The following TRPM3 variants were observed in gnomAD, a reference collection of about 807,000 sequenced individuals.
TRPM3 encodes long transient receptor potential channel 3.
Under a neutral mutation model 181.2 loss-of-function variants are expected in TRPM3, and 77 were observed. The ratio of observed to expected loss-of-function variants is 0.42; its 90% confidence interval spans 0.35 to 0.51. The LOEUF (loss-of-function observed/expected upper bound fraction) is 0.51, where lower values mean the gene tolerates loss of function less well. TRPM3 is among the 20% of genes least tolerant of loss of function. The probability of loss-of-function intolerance (pLI) is 0.01; values close to 1 mark genes in which losing one functional copy is unlikely to be tolerated. For synonymous variants in TRPM3, 745 were observed against 796.4 expected, an observed-to-expected ratio of 0.94 and a Z score of 1.09; for missense variants, 1,759 against 2,196.7, an observed-to-expected ratio of 0.80 and a Z score of 3.98.
intron 9 of TRPM3, among the ~76,000 whole-genome samples, chr9:70,654,145 C>T (rs1015421272): frequency 1.3e-5 from 2 of 151,798 alleles, no homozygotes; most frequent in Non-Finnish European, 2.9e-5. Flanking sequence ...TCTAAAGCAT[C>T]TTCTCTATTG....
intron 1 of TRPM3, among the ~76,000 whole-genome samples, chr9:71,199,493 C>T (rs2078631866): frequency 6.6e-6 from 1 of 151,938 alleles, no homozygotes; most frequent in Admixed American, 6.6e-5. Flanking sequence ...GCTGTGAATC[C>T]ATCTGGTCCT....
chr9:70,910,444 T>C (rs958076576), intron 1 of TRPM3, among the ~76,000 whole-genome samples: 3 of 152,186 alleles, frequency 2.0e-5, no homozygotes, highest in Non-Finnish European at 4.4e-5. Flanking sequence ...GCTGTCTGAA[T>C]GGACCTGACT....
At chr9:71,008,009 T>C (rs2097698197) in intron 1 of TRPM3, among the ~76,000 whole-genome samples, 1 of 151,626 alleles carries the variant, frequency 6.6e-6, no homozygotes, top group South Asian at 2.1e-4. Flanking sequence ...AAAAGATAAA[T>C]AATATGGACA....
At chr9:71,302,668 TG>T (rs1237937667) in intron 1 of TRPM3, among the ~76,000 whole-genome samples, 1 of 152,158 alleles carries the variant, frequency 6.6e-6, no homozygotes, top group Non-Finnish European at 1.5e-5. Context: ...AGCTTTTATT[TG>T]TAAGAGCTAG....
chr9:70,965,961 A>G (rs2097180700), intron 1 of TRPM3, among the ~76,000 whole-genome samples: 1 of 152,016 alleles, frequency 6.6e-6, no homozygotes, highest in African/African-American at 2.4e-5. Flanking sequence ...GACGCTACAG[A>G]ATGGGAGAAA....
intron 2 of TRPM3, 76 bp downstream of exon 2, chr9:70,864,356 C>T: frequency 6.1e-6 from 6 of 990,942 alleles, no homozygotes; most frequent in Non-Finnish European, 8.6e-6. Context: ...TCCCTTGTAA[C>T]AGGTCATGAT....
At chr9:70,784,367 A>T in intron 6 of TRPM3, 88 bp from the exon 7 acceptor site, 1 of 1,390,044 alleles carries the variant, frequency 7.2e-7, no homozygotes, top group Non-Finnish European at 9.6e-7. Flanking sequence ...AACAAAAAGC[A>T]CAAACTAAAA....
At chr9:71,295,949 G>T (rs2086226146) in intron 1 of TRPM3, among the ~76,000 whole-genome samples, 1 of 152,100 alleles carries the variant, frequency 6.6e-6, no homozygotes. Flanking sequence ...TGAGATCCAG[G>T]CTCCAGCCCT....
chr9:71,081,910 A>G (rs957903146), intron 1 of TRPM3, among the ~76,000 whole-genome samples: 3 of 152,160 alleles, frequency 2.0e-5, no homozygotes, highest in Non-Finnish European at 4.4e-5. Flanking sequence ...ACAATTTATG[A>G]TAATTATAAG....
chr9:71,111,434 A>G (rs891943983), intron 1 of TRPM3, among the ~76,000 whole-genome samples: 2 of 152,144 alleles, frequency 1.3e-5, no homozygotes, highest in African/African-American at 4.8e-5. Flanking sequence ...ATATTTGGCA[A>G]TATCTGGAGA....
chr9:70,661,682 C>T (rs2061158804), intron 9 of TRPM3, among the ~76,000 whole-genome samples: 1 of 151,322 alleles, frequency 6.6e-6, no homozygotes, highest in African/African-American at 2.4e-5. Context: ...ACAACAGCTG[C>T]AATAAAAAGA....
intron 1 of TRPM3, among the ~76,000 whole-genome samples, chr9:71,359,021 T>C (rs963475499): frequency 1.3e-5 from 2 of 152,230 alleles, no homozygotes; most frequent in African/African-American, 4.8e-5. Flanking sequence ...AATACTTCTT[T>C]TGATGATATA....
intron 1 of TRPM3, among the ~76,000 whole-genome samples, chr9:71,050,049 T>C (rs1373673934): frequency 1.3e-5 from 2 of 152,150 alleles, no homozygotes; most frequent in East Asian, 1.9e-4. Flanking sequence ...TGCAGGTTAT[T>C]ATGGAATAAT....
intron 1 of TRPM3, among the ~76,000 whole-genome samples, chr9:70,882,679 T>C (rs1028898970): frequency 6.6e-6 from 1 of 152,200 alleles, no homozygotes; most frequent in African/African-American, 2.4e-5. Flanking sequence ...AATAACATTA[T>C]CATCCTGTTC....
chr9:70,997,349 C>T (rs1403975835), intron 1 of TRPM3, among the ~76,000 whole-genome samples: 4 of 152,132 alleles, frequency 2.6e-5, no homozygotes, highest in Admixed American at 2.6e-4. Context: ...GCTCCCGCCA[C>T]CACACTGGGG....
At chr9:70,809,263 G>T (rs1564394446) in intron 6 of TRPM3, among the ~76,000 whole-genome samples, 1 of 152,090 alleles carries the variant, frequency 6.6e-6, no homozygotes, top group Admixed American at 6.6e-5. Context: ...GTCAGCTAAG[G>T]TTAATTTAGT....
chr9:70,692,070 T>A (rs2068761475), intron 8 of TRPM3, among the ~76,000 whole-genome samples: 2 of 152,314 alleles, frequency 1.3e-5, no homozygotes, highest in South Asian at 4.1e-4. Flanking sequence ...CGGGGCTTTC[T>A]TTTTTCCCCC....
At chr9:70,537,834 C>A (rs1158383515) in intron 25 of TRPM3, among the ~76,000 whole-genome samples, 2 of 152,064 alleles carry the variant, frequency 1.3e-5, no homozygotes, top group Non-Finnish European at 2.9e-5. Flanking sequence ...GGGTCCCCCA[C>A]AAAATGAGAA....
intron 11 of TRPM3, among the ~76,000 whole-genome samples, chr9:70,635,774 C>G (rs1342523109): frequency 1.3e-5 from 2 of 152,038 alleles, no homozygotes; most frequent in African/African-American, 4.8e-5. Context: ...CCTGTTTCTT[C>G]TAAACAAACA....
Sources: gnomAD v4.1 joint callset for allele counts (sites outside exome capture counted in the v4.1 genomes callset) on GRCh38, gnomAD v4.1.1 for gene constraint, MANE v1.5 for transcripts, NCBI Gene and HGNC (gene_info 2026-07-23, HGNC 2026-07-21) for gene names.